Variants in PPP2R3A observed in about 807,000 individuals in gnomAD.
PPP2R3A encodes the protein protein phosphatase 2 regulatory subunit B''alpha.
Under a neutral mutation model 106.9 loss-of-function variants are expected in PPP2R3A, and 80 were observed. The observed-to-expected ratio is 0.75, with a 90% CI of 0.62 to 0.90. The LOEUF (loss-of-function observed/expected upper bound fraction) is 0.90. PPP2R3A is among the 40% of genes least tolerant of loss of function. The pLI, the probability that PPP2R3A is intolerant of heterozygous loss-of-function variation, is 0.00. For synonymous variants in PPP2R3A, 483 were observed against 468.3 expected, an observed-to-expected ratio of 1.03 and a Z score of -0.41; for missense variants, 1,386 against 1,350.4, an observed-to-expected ratio of 1.03 and a Z score of -0.41.
intron 3 of PPP2R3A, among the ~76,000 whole-genome samples, chr3:136,035,246 A>G (rs1935046709): frequency 6.6e-6 from 1 of 152,148 alleles, no homozygotes; most frequent in Non-Finnish European, 1.5e-5. Context: ...GTACCATTCC[A>G]TTCATCATGC....
At chr3:136,080,928 A>AT (rs1936759844) in intron 7 of PPP2R3A, among the ~76,000 whole-genome samples, 1 of 151,910 alleles carries the variant, frequency 6.6e-6, no homozygotes, top group African/African-American at 2.4e-5. Flanking sequence ...TTAAAAAATA[A>AT]TTTTTTGTCA....
chr3:135,980,838 C>G (rs963643545), intron 1 of PPP2R3A, among the ~76,000 whole-genome samples: 1 of 151,824 alleles, frequency 6.6e-6, no homozygotes, highest in African/African-American at 2.4e-5. Flanking sequence ...CCCACACCCA[C>G]GTAGTGGAGT....
At chr3:136,085,098 A>G (rs1936890070) in intron 8 of PPP2R3A, among the ~76,000 whole-genome samples, 1 of 152,172 alleles carries the variant, frequency 6.6e-6, no homozygotes, top group South Asian at 2.1e-4. Context: ...GGGAGGAGCC[A>G]TGGTTGGAAC....
intron 1 of PPP2R3A, among the ~76,000 whole-genome samples, chr3:135,989,371 T>C (rs952353553): frequency 4.7e-4 from 72 of 152,308 alleles, no homozygotes; most frequent in African/African-American, 1.4e-3. Context: ...ATCATTAGAA[T>C]GAGACTTGGT....
chr3:136,050,987 T>C (rs1313676810), intron 5 of PPP2R3A, among the ~76,000 whole-genome samples: 2 of 152,180 alleles, frequency 1.3e-5, no homozygotes, highest in Non-Finnish European at 2.9e-5. Flanking sequence ...GAGAGAGATG[T>C]CTAACAGAAA....
At chr3:136,140,171 G>A (rs970912395) in intron 13 of PPP2R3A, among the ~76,000 whole-genome samples, 2 of 151,928 alleles carry the variant, frequency 1.3e-5, no homozygotes, top group Non-Finnish European at 2.9e-5. Flanking sequence ...TTTGAGCCCC[G>A]GGGAATACCA....
intron 10 of PPP2R3A, among the ~76,000 whole-genome samples, chr3:136,097,196 GA>G (rs978564058): frequency 0.013 from 1,707 of 132,840 alleles, 29 homozygotes; most frequent in African/African-American, 0.04. Flanking sequence ...CCTTTGGTAA[GA>G]AAAAAAAAAA....
intron 1 of PPP2R3A, among the ~76,000 whole-genome samples, chr3:135,987,177 A>G (rs1334461837): frequency 6.6e-6 from 1 of 152,162 alleles, no homozygotes; most frequent in Non-Finnish European, 1.5e-5. Context: ...AGTTTACTGT[A>G]TTTGTATACT....
chr3:136,003,751 T>C (rs1026341903), intron 2 of PPP2R3A, among the ~76,000 whole-genome samples: 1 of 152,066 alleles, frequency 6.6e-6, no homozygotes, highest in Non-Finnish European at 1.5e-5. Context: ...TCTTCCCAGC[T>C]CTGTGACCAA....
At chr3:136,078,592 G>A (rs764283207) in intron 7 of PPP2R3A, 139 bp downstream of exon 7, 129 of 630,830 alleles carry the variant, frequency 2.0e-4, no homozygotes, top group Middle Eastern at 1.3e-3. Flanking sequence ...AATACCTGTC[G>A]TGGGATGCTG....
Position 136,002,329 on chromosome 3 carries a change from C to G in PPP2R3A, c.831C>G (p.Val277=), listed in dbSNP as rs371906011. 34 of 1,613,414 alleles carry G rather than the reference C, an allele frequency of 2.1e-5. No homozygotes were observed. The highest frequency in any genetic ancestry group is 2.4e-5 in the Non-Finnish European group (28 of 1,179,600). The stretch of plus-strand genomic sequence containing the variant: ...ATACAATTTCTAGCTCTGAAACTGT[C>G]TATATGAATGTAATGACCAGGTTAG... ...GNDTISSSET[V]YMNVMTRLAS... Residue 277 remains valine (V), a synonymous_variant, in exon 2 of 14, where the codon GTC becomes GTG. Coordinates refer to ENST00000264977, the MANE Select transcript of PPP2R3A (RefSeq NM_002718.5).
intron 13 of PPP2R3A, among the ~76,000 whole-genome samples, chr3:136,139,465 G>T (rs562986143): frequency 2.0e-4 from 30 of 152,052 alleles, no homozygotes; most frequent in African/African-American, 7.0e-4. Flanking sequence ...GGAGGCCGAG[G>T]GGGGGGATCA....
In PPP2R3A at chr3:136,040,989, G is replaced by C. The variant is rs754670256; in HGVS notation, c.2366+27G>C. 8.8e-6 allele frequency: 14 copies of C among 1,585,250 alleles called. No individual in the cohort carries two copies. The African/African-American group carries it at 1.5e-4, about 17-fold the overall frequency. ...TAAGTATGTGAGCAGTCTCTCTGGA[G>C]CTAGGCAAAGAATTGTGTGACCCTC... is the stretch of plus-strand genomic sequence containing the variant. On this transcript the variant is annotated intron_variant, in intron 4 of 13. Transcript: ENST00000264977.
intron 10 of PPP2R3A, 51 bp downstream of exon 10, chr3:136,090,718 T>C (rs761176826): frequency 6.8e-7 from 1 of 1,472,718 alleles, no homozygotes; most frequent in African/African-American, 1.4e-5. Flanking sequence ...TGCACAAAGC[T>C]TGAAAAAGTC....
Position 136,027,023 on chromosome 3 carries a change from A to G in PPP2R3A, c.2187A>G (p.Leu729=). 1 of 1,612,924 alleles carries G rather than the reference A, an allele frequency of 6.2e-7. No individual in the cohort carries two copies. Among genetic ancestry groups the G allele is most frequent in the Non-Finnish European group, 8.5e-7 (1 of 1,178,980 alleles). The change falls in exon 3 of 14, where the codon CTA becomes CTG. Residue 729 remains leucine, a synonymous_variant. Transcript: ENST00000264977. ...PDTCSNHEQT[L]SRIETAFMDI... ...CCTGTAGTAATCATGAACAAACTCT[A>G]AGCAGAATTGAAACTGCTTTCATGG... is the stretch of plus-strand genomic sequence containing the variant.
intron 7 of PPP2R3A, among the ~76,000 whole-genome samples, chr3:136,079,556 G>A (rs978492862): frequency 2.0e-5 from 3 of 151,756 alleles, no homozygotes; most frequent in East Asian, 1.9e-4. Context: ...CTACAGGCGT[G>A]TGCCACCATG....
At chr3:136,030,778 ATATG>A (rs1160535378) in intron 3 of PPP2R3A, among the ~76,000 whole-genome samples, 4,801 of 110,986 alleles carry the variant, frequency 0.043, 156 homozygotes, top group East Asian at 0.11. Flanking sequence ...ATATATATAT[ATATG>A]TATGTATGTA....
chr3:136,119,268 T>C (rs1172953988), intron 13 of PPP2R3A, among the ~76,000 whole-genome samples: 1 of 152,192 alleles, frequency 6.6e-6, no homozygotes, highest in East Asian at 1.9e-4. Context: ...ATAAAAATCC[T>C]AGAAGAAAAC....
chr3:136,019,975 C>G (rs1191722327), intron 2 of PPP2R3A, among the ~76,000 whole-genome samples: 2 of 152,022 alleles, frequency 1.3e-5, no homozygotes, highest in African/African-American at 4.8e-5. Flanking sequence ...ATTTCTTGTC[C>G]TTTGCTCCAA....
Sources: allele counts gnomAD v4.1 joint callset (sites outside exome capture counted in the v4.1 genomes callset), GRCh38; gene constraint gnomAD v4.1.1; transcripts MANE v1.5; gene names NCBI Gene and HGNC (gene_info 2026-07-23, HGNC 2026-07-21).